Variants in GRHL2 observed in about 807,000 individuals in gnomAD.
GRHL2 encodes the protein grainyhead like transcription factor 2, also known as grainyhead-like protein 2 homolog.
A neutral mutation model predicts 83.8 loss-of-function variants in GRHL2; 21 were observed. The ratio of observed to expected loss-of-function variants is 0.25; its 90% CI spans 0.18 to 0.36. The LOEUF is 0.36. Ranked by LOEUF, GRHL2 falls within the 10% of genes least tolerant of loss-of-function variation. The pLI is 1.00. For missense variants in GRHL2, 623 were observed against 781.8 expected, an observed-to-expected ratio of 0.80 and a Z score of 2.42; for synonymous variants, 280 against 278.9, an observed-to-expected ratio of 1.00 and a Z score of -0.04.
chr8:101,573,390 T>C (rs1811866080), intron 5 of GRHL2, among the ~76,000 whole-genome samples: 1 of 152,208 alleles, frequency 6.6e-6, no homozygotes, highest in African/African-American at 2.4e-5. Context: ...CCAGGGGTTC[T>C]CCTGGTAGAG....
intron 13 of GRHL2, among the ~76,000 whole-genome samples, chr8:101,648,095 C>G (rs1415403486): frequency 1.3e-5 from 2 of 152,096 alleles, no homozygotes; most frequent in African/African-American, 4.8e-5. Context: ...GGCCACATCA[C>G]TGGGAGGAGG....
At chr8:101,570,863 G>A (rs1811806983) in intron 5 of GRHL2, among the ~76,000 whole-genome samples, 1 of 152,174 alleles carries the variant, frequency 6.6e-6, no homozygotes, top group Admixed American at 6.5e-5. Context: ...ATGCTGAATT[G>A]TCTGTTCCAC....
chr8:101,533,665 T>C (rs541799656), intron 1 of GRHL2, among the ~76,000 whole-genome samples: 8 of 152,160 alleles, frequency 5.3e-5, no homozygotes, highest in Non-Finnish European at 1.2e-4. Context: ...GAATTGGAAA[T>C]TCCAGCATGG....
intron 1 of GRHL2, among the ~76,000 whole-genome samples, chr8:101,527,022 A>G (rs1298161888): frequency 6.6e-6 from 1 of 152,210 alleles, no homozygotes; most frequent in Non-Finnish European, 1.5e-5. Context: ...GTCTTTATTC[A>G]TGTCAGAAGC....
At chr8:101,552,045 C>T (rs571244199) in intron 2 of GRHL2, among the ~76,000 whole-genome samples, 2 of 152,038 alleles carry the variant, frequency 1.3e-5, no homozygotes, top group South Asian at 2.1e-4. Flanking sequence ...CTGTGTTAGC[C>T]GGGATGGTCT....
intron 6 of GRHL2, among the ~76,000 whole-genome samples, 188 bp downstream of exon 6, chr8:101,574,012 A>G (rs1811882329): frequency 6.6e-6 from 1 of 152,232 alleles, no homozygotes; most frequent in Non-Finnish European, 1.5e-5. Context: ...AGTAACCAGT[A>G]AACCCCAGGG....
At chr8:101,586,731 T>A (rs555883747) in intron 7 of GRHL2, among the ~76,000 whole-genome samples, 1 of 152,208 alleles carries the variant, frequency 6.6e-6, no homozygotes, top group Non-Finnish European at 1.5e-5. Context: ...GCATAATCGA[T>A]GAGCACACTG....
intron 7 of GRHL2, among the ~76,000 whole-genome samples, chr8:101,586,200 C>G (rs892607232): frequency 1.3e-5 from 2 of 151,824 alleles, no homozygotes; most frequent in Non-Finnish European, 2.9e-5. Flanking sequence ...CTGCCTCAGC[C>G]TCCCGAGTAG....
intron 7 of GRHL2, among the ~76,000 whole-genome samples, chr8:101,583,834 A>G (rs771847048): frequency 6.6e-6 from 1 of 152,246 alleles, no homozygotes; most frequent in Non-Finnish European, 1.5e-5. Flanking sequence ...CATTAACTTC[A>G]TAGAGTGAAA....
At chr8:101,598,503 G>T (rs954959846) in intron 7 of GRHL2, among the ~76,000 whole-genome samples, 14 of 149,920 alleles carry the variant, frequency 9.3e-5, no homozygotes, top group African/African-American at 3.4e-4. Context: ...GCCTCCCAAA[G>T]TTCTGGGATT....
chr8:101,666,765 A>G lies in GRHL2; in HGVS notation c.*62A>G. On this transcript the variant is annotated 3_prime_UTR_variant, in exon 16 of 16. Coordinates refer to ENST00000646743, the MANE Select transcript of GRHL2 (RefSeq NM_024915.4). ...GTGCGTTCCTCCCTGAGAGAGACAG[A>G]AGCCCCAGCCCCAGAACCTGGAGAC... 1 of 991,832 alleles carries G rather than the reference A, an allele frequency of 1.0e-6. No homozygotes were observed. Among genetic ancestry groups the G allele is most frequent in the South Asian group, 1.3e-5 (1 of 76,766 alleles). The allele number at this position is 991,832 out of a possible 1,614,324, so 61.4% of individuals were successfully genotyped here.
intron 7 of GRHL2, among the ~76,000 whole-genome samples, chr8:101,598,192 A>C (rs1045736298): frequency 1.3e-5 from 2 of 152,120 alleles, no homozygotes; most frequent in Admixed American, 1.3e-4. Flanking sequence ...GAAGGCCTTG[A>C]ATAGACCAAC....
chr8:101,591,423 CCCAACCTTGT>C (rs1462654059), intron 7 of GRHL2, among the ~76,000 whole-genome samples: 1 of 152,030 alleles, frequency 6.6e-6, no homozygotes, highest in Non-Finnish European at 1.5e-5. Context: ...ACTGAAGCAC[CCCAACCTTGT>C]CCTTCTTGTC....
the GRHL2 span, among the ~76,000 whole-genome samples, chr8:101,675,044 T>C: frequency 6.6e-6 from 1 of 152,190 alleles, no homozygotes; most frequent in African/African-American, 2.4e-5. Context: ...AATTAGCTAT[T>C]GATGGGACGT....
At chr8:101,587,565 T>A (rs978073559) in intron 7 of GRHL2, among the ~76,000 whole-genome samples, 1 of 152,250 alleles carries the variant, frequency 6.6e-6, no homozygotes, top group African/African-American at 2.4e-5. Context: ...ACTTTTGTTA[T>A]ATCCATAGCT....
intron 1 of GRHL2, among the ~76,000 whole-genome samples, chr8:101,509,294 G>C (rs915641617): frequency 7.0e-6 from 1 of 142,254 alleles, no homozygotes; most frequent in Admixed American, 7.2e-5. Context: ...TATCTAAATA[G>C]TAGGGCTATT....
rs1314684740 is a variant in GRHL2 at position 101,667,291 on chromosome 8, C to G, written c.*588C>G. The G allele has an allele frequency of 5.6e-6, 1 of 177,132 alleles. No homozygotes were observed. The allele number at this position is 177,132 out of a possible 1,614,324, so 11.0% of individuals were successfully genotyped here. On this transcript the variant is annotated 3_prime_UTR_variant, in exon 16 of 16. Transcript: ENST00000646743. ...ACCAGGCCTTGTACAGGAAGACATT[C>G]AGTCACCGTGTAATTAGTAACACAG...
chr8:101,495,880 G>A lies in GRHL2; in HGVS notation c.20+3091G>A, dbSNP rs191769886. 1.1e-3 allele frequency among the ~76,000 whole-genome samples: 163 copies of A among 152,180 alleles called. 1 individual carries two copies. Among genetic ancestry groups the A allele is most frequent in the African/African-American group, 3.7e-3 (153 of 41,512 alleles). ...ATACAATACAGGGGCCAGGCGCGGCGGCTCACACCTGTAATCCCAGCACTT... is the reference window on the plus strand; with the variant it reads ...ATACAATACAGGGGCCAGGCGCGGCAGCTCACACCTGTAATCCCAGCACTT... On this transcript the variant is annotated intron_variant, in intron 1 of 15. Coordinates refer to ENST00000646743, the MANE Select transcript of GRHL2 (RefSeq NM_024915.4).
chr8:101,604,382 A>C lies in GRHL2; in HGVS notation c.1098+5231A>C, dbSNP rs1812587194. ...GCAGAGTGCAGCAAACCCTAATTAC[A>C]GGCTTCCTTTCCTCCTAGATTTCTA... On this transcript the variant is annotated intron_variant, in intron 8 of 15. Coordinates refer to ENST00000646743, the MANE Select transcript of GRHL2 (RefSeq NM_024915.4). 2.0e-5 allele frequency among the ~76,000 whole-genome samples: 3 copies of C among 152,132 alleles called. No individual in the cohort carries two copies. In the South Asian group the frequency reaches 6.2e-4, roughly 32 times the overall value.
Sources: allele counts gnomAD v4.1 joint callset (sites outside exome capture counted in the v4.1 genomes callset), GRCh38; gene constraint gnomAD v4.1.1; transcripts MANE v1.5; gene names NCBI Gene and HGNC (gene_info 2026-07-23, HGNC 2026-07-21).